Variants in DAB2 observed in about 807,000 individuals in gnomAD.
The protein encoded by DAB2 is disabled homolog 2.
DAB2 carries 28 observed loss-of-function variants against 71.6 expected under a neutral mutation model. The observed-to-expected ratio is 0.39, with a 90% confidence interval of 0.29 to 0.54. DAB2 has a LOEUF of 0.54. Ranked by LOEUF, DAB2 falls within the 20% of genes least tolerant of loss-of-function variation. DAB2 has a pLI of 0.68. For synonymous variants in DAB2, 345 were observed against 339.7 expected, an observed-to-expected ratio of 1.02 and a Z score of -0.17; for missense variants, 867 against 928.8, an observed-to-expected ratio of 0.93 and a Z score of 0.86.
intron 1 of DAB2, among the ~76,000 whole-genome samples, chr5:39,421,399 G>A (rs889686315): frequency 2.6e-5 from 4 of 152,148 alleles, no homozygotes; most frequent in African/African-American, 9.7e-5. Flanking sequence ...CAGCAATCCT[G>A]GGGTAGGTAC....
At chr5:39,376,586 A>G (rs1421451512) in intron 12 of DAB2, 64 bp downstream of exon 12, 2 of 1,569,504 alleles carry the variant, frequency 1.3e-6, no homozygotes, top group Non-Finnish European at 1.7e-6. Context: ...TGGGGAACTC[A>G]TTTAGGTCCA....
chr5:39,402,374 T>C (rs1392223962), intron 1 of DAB2, among the ~76,000 whole-genome samples: 1 of 152,216 alleles, frequency 6.6e-6, no homozygotes, highest in East Asian at 1.9e-4. Flanking sequence ...GAACCTATGC[T>C]CAAATGACTA....
intron 1 of DAB2, chr5:39,417,365 A>G (rs1180377198): frequency 5.3e-5 from 8 of 152,144 alleles, no homozygotes; most frequent in Admixed American, 3.3e-4. Context: ...CCTACTTTTC[A>G]AACTCAGACA....
At chr5:39,408,549 T>G (rs1021548231) in intron 1 of DAB2, 17 of 152,238 alleles carry the variant, frequency 1.1e-4, no homozygotes, top group African/African-American at 3.9e-4. Flanking sequence ...TGAATAGCTA[T>G]GTTTGTTTTG....
At chr5:39,398,410 A>G (rs1301256741) in intron 1 of DAB2, among the ~76,000 whole-genome samples, 1 of 152,200 alleles carries the variant, frequency 6.6e-6, no homozygotes, top group Admixed American at 6.5e-5. Context: ...TTTTCATAGC[A>G]TTGGAATTGC....
chr5:39,394,483 G>A, intron 1 of DAB2, 62 bp from the exon 2 acceptor site: 2 of 607,096 alleles, frequency 3.3e-6, no homozygotes, highest in South Asian at 2.1e-5. Flanking sequence ...CTTTATGCCA[G>A]AATAGGCTTA....
chr5:39,386,932 T>A lies in DAB2; in HGVS notation c.687+1373A>T, dbSNP rs572045462. Among the ~76,000 whole-genome samples, 10 of 152,324 alleles carry A rather than the reference T, an allele frequency of 6.6e-5. No homozygotes were observed. The South Asian group carries it at 2.1e-3, about 32-fold the overall frequency. On this transcript the variant is annotated intron_variant, in intron 9 of 14. Transcript: ENST00000320816. ...GACCTGTCAGGATAATCTAGTCTAG[T>A]ACTTTAAAAAGTTTATCCTCAGAAC... is the stretch of plus-strand genomic sequence containing the variant.
chr5:39,414,353 G>A (rs1456527567), intron 1 of DAB2, among the ~76,000 whole-genome samples: 1 of 152,138 alleles, frequency 6.6e-6, no homozygotes, highest in Admixed American at 6.6e-5. Context: ...TAATTATCCA[G>A]TGCTAAGCCA....
intron 5 of DAB2, 144 bp downstream of exon 5, chr5:39,390,300 G>C: frequency 9.5e-7 from 1 of 1,052,746 alleles, no homozygotes; most frequent in Non-Finnish European, 1.4e-6. Context: ...AGATTCCATA[G>C]GCCAATAAAA....
chr5:39,388,139 T>A, intron 9 of DAB2, 166 bp downstream of exon 9: 1 of 601,770 alleles, frequency 1.7e-6, no homozygotes, highest in Non-Finnish European at 3.0e-6. Context: ...TAGGTTCCCA[T>A]GGTGACTTAA....
rs757302051 is a variant in DAB2 at position 39,382,769 on chromosome 5, G to A, written c.1190C>T (p.Pro397Leu). Residue 397 changes from proline to leucine, a missense_variant, in exon 10 of 15, where the codon CCT becomes CTT. Physicochemically the swap from Pro to Leu is moderately conservative, Grantham distance 98 (BLOSUM62 -3). Coordinates refer to ENST00000320816, the MANE Select transcript of DAB2 (RefSeq NM_001343.4). Reference sequence around the variant, plus strand: ...TCCTTTGGGAGGGCTTCCCACAAAAGGGTTCGGGGAGGATTTGACAGAGAA... The same window carrying A: ...TCCTTTGGGAGGGCTTCCCACAAAAAGGTTCGGGGAGGATTTGACAGAGAA... ...NGFSVKSSPN[P>L]FVGSPPKGLS... 1.2e-6 allele frequency: 2 copies of A among 1,614,174 alleles called. No homozygotes were observed. Among genetic ancestry groups the A allele is most frequent in the African/African-American group, 2.7e-5 (2 of 75,044 alleles).
At chr5:39,412,882 G>A (rs1181788986) in intron 1 of DAB2, among the ~76,000 whole-genome samples, 2 of 152,064 alleles carry the variant, frequency 1.3e-5, no homozygotes, top group African/African-American at 4.8e-5. Context: ...TCAAAGACTG[G>A]GGCAACGTGC....
intron 13 of DAB2, among the ~76,000 whole-genome samples, chr5:39,375,566 C>T (rs953703568): frequency 6.6e-6 from 1 of 152,084 alleles, no homozygotes; most frequent in African/African-American, 2.4e-5. Context: ...GGTGACAAAT[C>T]TTAGCTAAAC....
chr5:39,392,899 T>C, intron 3 of DAB2, among the ~76,000 whole-genome samples: 1 of 152,150 alleles, frequency 6.6e-6, no homozygotes, highest in East Asian at 1.9e-4. Context: ...AATTCCCAGG[T>C]CTAAAACAGG....
At chr5:39,413,380 A>G (rs1232641797) in intron 1 of DAB2, among the ~76,000 whole-genome samples, 1 of 152,174 alleles carries the variant, frequency 6.6e-6, no homozygotes, top group African/African-American at 2.4e-5. Flanking sequence ...GGCTTTTTAA[A>G]AAGTCAAAGG....
At chr5:39,374,776 T>TA (rs2112017632) in intron 14 of DAB2, 1 of 426,400 alleles carries the variant, frequency 2.3e-6, no homozygotes, top group East Asian at 4.7e-5. Context: ...TGGAATAAGA[T>TA]AAAAATCCAC....
At chr5:39,402,050 A>G (rs1245023592) in intron 1 of DAB2, among the ~76,000 whole-genome samples, 1 of 152,182 alleles carries the variant, frequency 6.6e-6, no homozygotes, top group Non-Finnish European at 1.5e-5. Flanking sequence ...GTGGCAGACA[A>G]GAAAGACAGC....
At chr5:39,409,567 A>G (rs1237272013) in intron 1 of DAB2, among the ~76,000 whole-genome samples, 2 of 152,226 alleles carry the variant, frequency 1.3e-5, no homozygotes, top group African/African-American at 4.8e-5. Context: ...TTCTTTATAT[A>G]AATCCAAGTT....
intron 11 of DAB2, 106 bp downstream of exon 11, chr5:39,381,348 T>C (rs1754975633): frequency 3.4e-6 from 4 of 1,186,552 alleles, no homozygotes; most frequent in Middle Eastern, 2.0e-4. Context: ...GATGCTCAAA[T>C]CTTATGCTGT....
Sources: allele counts gnomAD v4.1 joint callset (sites outside exome capture counted in the v4.1 genomes callset), GRCh38; gene constraint gnomAD v4.1.1; transcripts MANE v1.5; gene names NCBI Gene and HGNC (gene_info 2026-07-23, HGNC 2026-07-21).